SLC8A1: variants seen among roughly 807,000 people sequenced by gnomAD.
The protein encoded by SLC8A1 is sodium/calcium exchanger 1.
A neutral mutation model predicts 68.3 loss-of-function variants in SLC8A1; 18 were observed. That is an observed-to-expected ratio of 0.26 (90% confidence interval 0.18 to 0.39). The LOEUF is 0.39. Among genes scored for constraint, SLC8A1 ranks in the 10% least tolerant of loss-of-function variants. The pLI is 1.00. For synonymous variants in SLC8A1, 475 were observed against 415.5 expected (o/e 1.14, Z -1.74); for missense variants, 985 against 1,156.7 (o/e 0.85, Z 2.15).
chr2:40,110,178 G>A (rs942244446), exon 8 of SLC8A1: 3 of 152,118 alleles, frequency 2.0e-5, no homozygotes, highest in African/African-American at 7.2e-5. Context: ...ACCTCTCAGT[G>A]GTTGCTCCTT....
At chr2:40,465,836 C>G (rs1054302590) in intron 1 of SLC8A1, among the ~76,000 whole-genome samples, 2 of 152,094 alleles carry the variant, frequency 1.3e-5, no homozygotes, top group East Asian at 3.9e-4. Context: ...GGAGGTGGGG[C>G]TGCATTGGAA....
At chr2:40,429,980 A>G in exon 2 of SLC8A1, 1 of 1,613,846 alleles carries the variant, frequency 6.2e-7, no homozygotes, top group Non-Finnish European at 8.5e-7. Flanking sequence ...TCTATAGAGG[A>G]CATGAACCGA....
At chr2:40,443,248 A>T (rs969412868) in intron 1 of SLC8A1, among the ~76,000 whole-genome samples, 2 of 152,138 alleles carry the variant, frequency 1.3e-5, no homozygotes, top group Non-Finnish European at 2.9e-5. Context: ...CTCTGCACAT[A>T]TATCCCAGAA....
exon 8 of SLC8A1, chr2:40,103,161 T>C (rs1451674806): frequency 6.6e-6 from 1 of 152,192 alleles, no homozygotes; most frequent in African/African-American, 2.4e-5. Flanking sequence ...TAACTGGGAT[T>C]CCTTCAAGAG....
chr2:40,164,218 C>A (rs959361274), intron 5 of SLC8A1, among the ~76,000 whole-genome samples: 21 of 152,162 alleles, frequency 1.4e-4, no homozygotes, highest in African/African-American at 5.1e-4. Context: ...GTCTTAAGCT[C>A]CATCCCCAGG....
chr2:40,415,649 C>G (rs1201489724), intron 2 of SLC8A1, among the ~76,000 whole-genome samples: 2 of 151,998 alleles, frequency 1.3e-5, no homozygotes, highest in African/African-American at 4.8e-5. Context: ...CAAAGTCTTT[C>G]ATTTCAAAGG....
At chr2:40,375,916 G>C (rs893095796) in intron 2 of SLC8A1, among the ~76,000 whole-genome samples, 4 of 152,008 alleles carry the variant, frequency 2.6e-5, no homozygotes. Context: ...TGGGAGAGTC[G>C]CTTGAGCTTA....
chr2:40,285,463 T>A (rs1171963873), intron 2 of SLC8A1, among the ~76,000 whole-genome samples: 2 of 152,186 alleles, frequency 1.3e-5, no homozygotes, highest in African/African-American at 4.8e-5. Context: ...ATTCTCTCTC[T>A]CTTTCTCCCA....
chr2:40,160,782 G>C, exon 6 of SLC8A1: 1 of 1,613,108 alleles, frequency 6.2e-7, no homozygotes, highest in Non-Finnish European at 8.5e-7. Context: ...GACAGTGATA[G>C]CTTCAATGAA....
At chr2:40,323,547 C>G (rs1479008945) in intron 2 of SLC8A1, among the ~76,000 whole-genome samples, 1 of 152,130 alleles carries the variant, frequency 6.6e-6, no homozygotes, top group Non-Finnish European at 1.5e-5. Context: ...TCTATTAACA[C>G]TCATTCCGTA....
chr2:40,170,249 G>A lies in SLC8A1; in HGVS notation c.1930+4576C>T, dbSNP rs150206949. Reference sequence around the variant, plus strand: ...TAACATTAAAGAACTCTGGGAGGCTGTGGTTTTCAAGGATCATGATGAAAT... The same window carrying A: ...TAACATTAAAGAACTCTGGGAGGCTATGGTTTTCAAGGATCATGATGAAAT... On this transcript the variant is annotated intron_variant, in intron 4 of 7. Transcript: ENST00000406785. 31 of 1,590,830 alleles carry A rather than the reference G, an allele frequency of 1.9e-5. No individual in the cohort carries two copies. The East Asian group carries it at 6.3e-4, about 32-fold the overall frequency.
At chr2:40,497,958 A>C (rs1250178009) in intron 1 of SLC8A1, among the ~76,000 whole-genome samples, 1 of 152,052 alleles carries the variant, frequency 6.6e-6, no homozygotes, top group African/African-American at 2.4e-5. Context: ...TATTGCAATA[A>C]CTTATGTAAT....
At chr2:40,422,443 T>A (rs1329870974) in intron 2 of SLC8A1, among the ~76,000 whole-genome samples, 1 of 152,166 alleles carries the variant, frequency 6.6e-6, no homozygotes, top group Admixed American at 6.5e-5. Context: ...CCCTTGTATG[T>A]CTTAGACCCT....
chr2:40,492,913 C>T (rs1436461590), intron 1 of SLC8A1, among the ~76,000 whole-genome samples: 1 of 151,646 alleles, frequency 6.6e-6, no homozygotes, highest in Non-Finnish European at 1.5e-5. Flanking sequence ...TAAACTAGTT[C>T]AACCATTGTG....
intron 7 of SLC8A1, among the ~76,000 whole-genome samples, chr2:40,127,537 G>C (rs764792262): frequency 6.6e-6 from 1 of 152,164 alleles, no homozygotes; most frequent in East Asian, 1.9e-4. Context: ...TGGCATAGTT[G>C]TGGTTACCTG....
At chr2:40,390,970 T>C (rs1035868360) in intron 2 of SLC8A1, among the ~76,000 whole-genome samples, 5 of 152,084 alleles carry the variant, frequency 3.3e-5, no homozygotes, top group African/African-American at 1.2e-4. Flanking sequence ...GTGGATATAT[T>C]TGGAGGCAGT....
At chr2:40,352,416 T>C (rs1246622988) in intron 2 of SLC8A1, among the ~76,000 whole-genome samples, 1 of 152,214 alleles carries the variant, frequency 6.6e-6, no homozygotes, top group African/African-American at 2.4e-5. Flanking sequence ...ATTCATTTTA[T>C]TGGGAAATGG....
intron 2 of SLC8A1, among the ~76,000 whole-genome samples, chr2:40,276,421 A>T (rs2066705573): frequency 6.6e-6 from 1 of 152,234 alleles, no homozygotes; most frequent in African/African-American, 2.4e-5. Context: ...CAAGCCCCAA[A>T]GGGTGTTAAA....
chr2:40,107,832 C>T (rs1477541243), exon 8 of SLC8A1: 1 of 152,160 alleles, frequency 6.6e-6, no homozygotes, highest in Non-Finnish European at 1.5e-5. Context: ...AGTGCTGAAA[C>T]AATGTCTGAT....
Sources: gnomAD v4.1 joint callset for allele counts (sites outside exome capture counted in the v4.1 genomes callset) on GRCh38, gnomAD v4.1.1 for gene constraint, MANE v1.5 for transcripts, NCBI Gene and HGNC (gene_info 2026-07-23, HGNC 2026-07-21) for gene names.